Variants in LNX1 observed in about 807,000 individuals in gnomAD.
The protein encoded by LNX1 is ligand of numb-protein X 1, also known as E3 ubiquitin-protein ligase LNX.
In LNX1, 54 loss-of-function variants were observed where a neutral mutation model predicts 68.4. The ratio of observed to expected loss-of-function variants is 0.79; its 90% CI spans 0.63 to 0.99. The LOEUF (loss-of-function observed/expected upper bound fraction) is 0.99. LNX1 is among the 50% of genes least tolerant of loss of function. LNX1 has a pLI of 0.00. For synonymous variants in LNX1, 336 were observed against 350.0 expected (o/e 0.96, Z 0.45); for missense variants, 906 against 926.4 (o/e 0.98, Z 0.29).
At chr4:53,501,155 C>T (rs921008173) in intron 4 of LNX1, among the ~76,000 whole-genome samples, 4 of 152,038 alleles carry the variant, frequency 2.6e-5, no homozygotes, top group Non-Finnish European at 4.4e-5. Context: ...TATGTCCTTA[C>T]TCAAGGACTA....
At chr4:53,568,821 A>T (rs1303678104) in intron 2 of LNX1, among the ~76,000 whole-genome samples, 1 of 152,158 alleles carries the variant, frequency 6.6e-6, no homozygotes, top group Non-Finnish European at 1.5e-5. Flanking sequence ...AAGTCTCAGG[A>T]CACAAAATCA....
In LNX1 at chr4:53,573,668, G is replaced by T. The variant is rs1731306454; in HGVS notation, c.335C>A (p.Thr112Asn). 1 of 1,607,780 alleles carries T rather than the reference G, an allele frequency of 6.2e-7. No homozygotes were observed. ...GAGGTCACAGCGCTGCAACACCTGG[G>T]TGCAGTGCTCCCTGAATGGGCAGGT... ...LVTCPFREHC[T>N]QVLQRCDLEH... Residue 112 changes from threonine to asparagine, a missense_variant, in exon 2 of 11, where the codon ACC becomes AAC. By Grantham distance (65) the Thr-to-Asn change is moderately conservative. Transcript: ENST00000263925.
intron 2 of LNX1, among the ~76,000 whole-genome samples, chr4:53,606,466 AC>A (rs1733237781): frequency 9.2e-6 from 1 of 109,128 alleles, no homozygotes; most frequent in Admixed American, 1.1e-4. Context: ...GAAAAAACAA[AC>A]AAACAAACAA....
At chr4:53,629,508 G>A (rs1282540954) in intron 1 of LNX1, among the ~76,000 whole-genome samples, 1 of 152,224 alleles carries the variant, frequency 6.6e-6, no homozygotes, top group African/African-American at 2.4e-5. Flanking sequence ...TGGAGAGAAA[G>A]TATGTTGTAA....
chr4:53,605,908 A>G (rs1577787420), intron 2 of LNX1, among the ~76,000 whole-genome samples: 1 of 152,216 alleles, frequency 6.6e-6, no homozygotes, highest in African/African-American at 2.4e-5. Flanking sequence ...ATCACCAGAT[A>G]TCAGCTGGTG....
intron 4 of LNX1, among the ~76,000 whole-genome samples, chr4:53,502,435 A>T (rs1351737037): frequency 6.6e-6 from 1 of 152,206 alleles, no homozygotes; most frequent in African/African-American, 2.4e-5. Flanking sequence ...TAAAATGTAC[A>T]TATCTCAATT....
intron 8 of LNX1, among the ~76,000 whole-genome samples, chr4:53,478,353 G>C (rs981993956): frequency 6.6e-6 from 1 of 151,420 alleles, no homozygotes; most frequent in Non-Finnish European, 1.5e-5. Context: ...GGAGATTCTA[G>C]CTTTACTTGC....
At chr4:53,647,281 C>G (rs1452447261) in intron 1 of LNX1, among the ~76,000 whole-genome samples, 2 of 152,212 alleles carry the variant, frequency 1.3e-5, no homozygotes, top group Non-Finnish European at 1.5e-5. Context: ...TGTGCATACA[C>G]AAACACACAC....
At position 53,651,395 on chromosome 4, in the gene LNX1, G is replaced by A. The variant is rs1234590944; in HGVS notation, c.-215+773C>T. On this transcript the variant is annotated intron_variant, in intron 1 of 2. Transcript: ENST00000507168. The stretch of plus-strand genomic sequence containing the variant: ...GTTGGAGCAGGGAACATAGTTTATC[G>A]ACATTTGTTGAAGTGAATTCAATGC... Among the ~76,000 whole-genome samples, 8 of 152,294 alleles carry A rather than the reference G, an allele frequency of 5.3e-5. No homozygotes were observed. In the East Asian group the frequency reaches 9.6e-4, roughly 18 times the overall value.
At chr4:53,498,462 A>C (rs1725237373) in intron 5 of LNX1, among the ~76,000 whole-genome samples, 179 bp downstream of exon 5, 2 of 152,196 alleles carry the variant, frequency 1.3e-5, no homozygotes, top group Non-Finnish European at 2.9e-5. Context: ...AGCAAGACAG[A>C]GAGAAACAAA....
intron 6 of LNX1, among the ~76,000 whole-genome samples, chr4:53,482,461 C>T (rs1356947579): frequency 6.6e-6 from 1 of 152,112 alleles, no homozygotes; most frequent in Non-Finnish European, 1.5e-5. Flanking sequence ...AACTTAAGTG[C>T]CCATCAACTG....
chr4:53,625,783 G>C (rs546115077), intron 1 of LNX1, among the ~76,000 whole-genome samples: 33 of 151,870 alleles, frequency 2.2e-4, no homozygotes, highest in African/African-American at 7.7e-4. Context: ...CTCCAGCCTA[G>C]GTAACAGAGC....
At chr4:53,640,799 T>C (rs1307749478) in intron 1 of LNX1, among the ~76,000 whole-genome samples, 2 of 152,258 alleles carry the variant, frequency 1.3e-5, no homozygotes, top group Non-Finnish European at 2.9e-5. Context: ...GACCAGTAAC[T>C]GATTTTTCAC....
intron 1 of LNX1, among the ~76,000 whole-genome samples, chr4:53,637,836 G>A (rs987483696): frequency 1.3e-5 from 2 of 152,122 alleles, no homozygotes; most frequent in Non-Finnish European, 2.9e-5. Flanking sequence ...TTAAAGACTA[G>A]GCTGCTGACG....
chr4:53,461,523 C>T lies in LNX1; in HGVS notation c.1963G>A (p.Gly655Arg). 1 of 1,611,564 alleles carries T rather than the reference C, an allele frequency of 6.2e-7. No individual in the cohort carries two copies. The highest frequency in any genetic ancestry group is 8.5e-7 in the Non-Finnish European group (1 of 1,178,108). ...TAGSLGFCIV[G>R]GYEEYNGNKP... is the part of the protein sequence containing the mutation. Reference sequence around the variant, plus strand: ...TTTCCATTGTATTCTTCATAACCTCCTACAATGCAGAAGCCCAGACTTCCA... The same window carrying T: ...TTTCCATTGTATTCTTCATAACCTCTTACAATGCAGAAGCCCAGACTTCCA... The change falls in exon 10 of 11, where the codon GGA becomes AGA. Residue 655 changes from glycine to arginine, a missense_variant. Coordinates refer to ENST00000263925, the MANE Select transcript of LNX1 (RefSeq NM_001126328.3).
chr4:53,547,456 T>C (rs1034986307), intron 2 of LNX1, among the ~76,000 whole-genome samples: 1 of 152,164 alleles, frequency 6.6e-6, no homozygotes, highest in Non-Finnish European at 1.5e-5. Flanking sequence ...GAGGAGACTA[T>C]ATAGGAACTG....
chr4:53,473,804 ATAAAAGT>A (rs1412184822), intron 9 of LNX1, among the ~76,000 whole-genome samples: 20 of 152,216 alleles, frequency 1.3e-4, no homozygotes, highest in Non-Finnish European at 1.5e-4. Context: ...TGAACCTAAA[ATAAAAGT>A]TAAAAGCCAA....
chr4:53,644,440 C>T (rs749466054), intron 1 of LNX1, among the ~76,000 whole-genome samples: 3 of 151,840 alleles, frequency 2.0e-5, no homozygotes, highest in Non-Finnish European at 2.9e-5. Context: ...CAAACAAAAC[C>T]CCAAAACAAG....
rs767252567 is a variant in LNX1 at position 53,460,935 on chromosome 4, ATAGT to A, written c.2155_2158del (p.Thr719LeufsTer28). On this transcript the variant is annotated frameshift_variant, in exon 11 of 11. Transcript: ENST00000263925. LOFTEE classifies it high-confidence loss of function. The stretch of plus-strand genomic sequence containing the variant: ...TAAAAAAGTGCCAGGCCAAGAAACA[ATAGT>A]TAGAGTAATTCTTCCTTTAAGTTCT... 1.1e-5 allele frequency: 18 copies of A among 1,610,752 alleles called. No individual in the cohort carries two copies. The highest frequency in any genetic ancestry group is 2.2e-5 in the East Asian group (1 of 44,698).
Sources: allele counts gnomAD v4.1 joint callset (sites outside exome capture counted in the v4.1 genomes callset), GRCh38; gene constraint gnomAD v4.1.1; transcripts MANE v1.5; gene names NCBI Gene and HGNC (gene_info 2026-07-23, HGNC 2026-07-21).